The following ANO5 variants were observed in gnomAD, a reference collection of about 807,000 sequenced individuals.
ANO5 encodes anoctamin-5.
In ANO5, 109 loss-of-function variants were observed where a neutral mutation model predicts 121.0. The ratio of observed to expected loss-of-function variants is 0.90; its 90% confidence interval spans 0.77 to 1.06. The LOEUF is 1.06. Ranked by LOEUF, ANO5 falls within the 50% of genes least tolerant of loss-of-function variation. The probability of loss-of-function intolerance (pLI) is 0.00; values close to 1 mark genes in which losing one functional copy is unlikely to be tolerated. For synonymous variants in ANO5, 406 were observed against 359.9 expected, an observed-to-expected ratio of 1.13 and a Z score of -1.45; for missense variants, 1,064 against 1,078.5, an observed-to-expected ratio of 0.99 and a Z score of 0.19.
In ANO5 at chr11:22,227,307, G is replaced by A. The variant is rs199888040; in HGVS notation, c.369G>A (p.Ser123=). 1.7e-4 allele frequency: 274 copies of A among 1,612,918 alleles called. No homozygotes were observed. Among genetic ancestry groups the A allele is most frequent in the Non-Finnish European group, 2.0e-4 (237 of 1,179,554 alleles). Residue 123 remains serine, a synonymous_variant, in exon 7 of 22, where the codon TCG becomes TCA. Transcript: ENST00000324559. ...LELEIEDKRD[S]EDGRTYFVKI... ...TTGCCTTTTTTTTAATGCAGGACTC[G>A]GAAGATGGAAGAACTTATTTTGTCA...
intron 1 of ANO5, among the ~76,000 whole-genome samples, chr11:22,195,836 G>A (rs1851794315): frequency 6.6e-6 from 1 of 152,140 alleles, no homozygotes; most frequent in African/African-American, 2.4e-5. Flanking sequence ...AGATATTGAT[G>A]AGGAATACCG....
At chr11:22,195,017 T>C (rs566818123) in intron 1 of ANO5, among the ~76,000 whole-genome samples, 48 of 152,330 alleles carry the variant, frequency 3.2e-4, no homozygotes, top group African/African-American at 1.1e-3. Flanking sequence ...GCCAAACTGT[T>C]TTCCAGGCAT....
In ANO5 at chr11:22,250,316, G is replaced by C; in HGVS notation, c.958G>C (p.Val320Leu). 6.2e-7 allele frequency: 1 copy of C among 1,613,228 alleles called. No individual in the cohort carries two copies. The highest frequency in any genetic ancestry group is 8.5e-7 in the Non-Finnish European group (1 of 1,179,532). ...YTEMLFFAAVVGLACFIYGLL... is the reference protein window; with the variant it reads ...YTEMLFFAAVLGLACFIYGLL... ...AGAAATGCTATTCTTTGCAGCTGTA[G>C]TTGGCTTAGCTTGTTTTATTTATGG... Residue 320 changes from valine to leucine, a missense_variant, in exon 10 of 22, where the codon GTT (valine) becomes CTT (leucine). Val to Leu is a conservative substitution (Grantham distance 32). Coordinates refer to ENST00000324559, the MANE Select transcript of ANO5 (RefSeq NM_213599.3).
At chr11:22,212,626 C>T (rs1216674203) in intron 3 of ANO5, among the ~76,000 whole-genome samples, 1 of 151,852 alleles carries the variant, frequency 6.6e-6, no homozygotes, top group Non-Finnish European at 1.5e-5. Context: ...TAGATTCTTG[C>T]CTGTCTCATG....
At position 22,274,722 on chromosome 11, in the gene ANO5, G is replaced by T; in HGVS notation, c.2389G>T (p.Glu797Ter). ...TTTTCCAAACCACACTGCACCTTCG[G>T]AAAAACGAGACTTCATCACTTGCAG... ...ADFPNHTAPS[E>*]KRDFITCRYR... Residue 797 changes from glutamate to a stop codon, truncating the protein, a stop_gained, in exon 20 of 22, where the codon GAA becomes TAA. Transcript: ENST00000324559. LOFTEE classifies it high-confidence loss of function. The T allele has an allele frequency of 6.2e-7, 1 of 1,613,298 alleles. No homozygotes were observed. Among genetic ancestry groups the T allele is most frequent in the Non-Finnish European group, 8.5e-7 (1 of 1,179,518 alleles).
At chr11:22,263,423 G>C (rs1854262173) in intron 17 of ANO5, among the ~76,000 whole-genome samples, 1 of 152,040 alleles carries the variant, frequency 6.6e-6, no homozygotes, top group African/African-American at 2.4e-5. Flanking sequence ...TATTCTACAT[G>C]CTGTGTATTA....
chr11:22,236,169 T>C lies in ANO5; in HGVS notation c.655T>C (p.Tyr219His). The C allele has an allele frequency of 6.2e-7, 1 of 1,607,342 alleles. No individual in the cohort carries two copies. The highest frequency in any genetic ancestry group is 8.5e-7 in the Non-Finnish European group (1 of 1,174,174). The part of the protein sequence containing the change: ...PSSSRNRIVY[Y>H]ILSRCPFGIE... ...CTTTGCACTTACCTTGTAGGTGTAC[T>C]ATATTCTCTCAAGATGTCCTTTTGG... Residue 219 changes from tyrosine to histidine, a missense_variant, in exon 8 of 22, where the codon TAT (tyrosine) becomes CAT (histidine). Transcript: ENST00000324559.
At chr11:22,239,443 T>C (rs1326646469) in intron 8 of ANO5, 126 bp from the exon 9 acceptor site, 4 of 700,074 alleles carry the variant, frequency 5.7e-6, no homozygotes, top group African/African-American at 3.6e-5. Flanking sequence ...ATCAATTGAA[T>C]ATGAAATCTA....
At chr11:22,221,979 G>A (rs2133591876) in intron 5 of ANO5, among the ~76,000 whole-genome samples, 1 of 152,002 alleles carries the variant, frequency 6.6e-6, no homozygotes, top group South Asian at 2.1e-4. Flanking sequence ...CCTTCTACCA[G>A]GCCTCTGAAA....
intron 17 of ANO5, among the ~76,000 whole-genome samples, chr11:22,266,473 G>T (rs909114347): frequency 6.6e-6 from 1 of 152,032 alleles, no homozygotes; most frequent in Non-Finnish European, 1.5e-5. Flanking sequence ...CCAACTGGGG[G>T]TTATAAATGA....
At chr11:22,204,678 T>TA (rs1174345737) in intron 2 of ANO5, among the ~76,000 whole-genome samples, 6 of 152,158 alleles carry the variant, frequency 3.9e-5, no homozygotes, top group South Asian at 2.1e-4. Flanking sequence ...TGGCTATTGT[T>TA]AAAAAAATCA....
At chr11:22,271,003 G>A (rs1004181941) in intron 18 of ANO5, among the ~76,000 whole-genome samples, 3 of 152,138 alleles carry the variant, frequency 2.0e-5, no homozygotes, top group African/African-American at 7.2e-5. Flanking sequence ...CTGCTTATAT[G>A]GTCTGCTCAG....
At chr11:22,274,458 T>C in intron 19 of ANO5, 111 bp from the exon 20 acceptor site, 1 of 985,820 alleles carries the variant, frequency 1.0e-6, no homozygotes. Flanking sequence ...ATAATAGTAT[T>C]TAATCATTTT....
intron 15 of ANO5, among the ~76,000 whole-genome samples, 153 bp from the exon 16 acceptor site, chr11:22,261,976 A>G (rs1564943417): frequency 6.6e-6 from 1 of 152,168 alleles, no homozygotes; most frequent in Non-Finnish European, 1.5e-5. Context: ...GCACAAATCC[A>G]TAGTTACTTA....
Position 22,239,578 on chromosome 11 carries a change from T to C in ANO5, c.772T>C (p.Trp258Arg), listed in dbSNP as rs747860868. 2 of 1,611,386 alleles carry C rather than the reference T, an allele frequency of 1.2e-6. No individual in the cohort carries two copies. Among genetic ancestry groups the C allele is most frequent in the Admixed American group, 1.7e-5 (1 of 59,948 alleles). The change falls in exon 9 of 22, where the codon TGG becomes CGG. Residue 258 changes from tryptophan (W) to arginine (R), a missense_variant. Transcript: ENST00000324559. ...TCTTGAATATCTGCAGGGCCAATAT[T>C]GGAAGCCATCAGAACCTCCCAATCC... is the stretch of plus-strand genomic sequence containing the variant. ...SAYPLHDGQY[W>R]KPSEPPNPTN... is the part of the protein sequence containing the mutation.
In ANO5 at chr11:22,280,320, C is replaced by G. The variant is rs1232430697; in HGVS notation, c.*555C>G. The stretch of plus-strand genomic sequence containing the variant: ...AATGTATCATAGCAGAGGTTTATTC[C>G]TAACACATTCAACTACCATCAGAAT... On this transcript the variant is annotated 3_prime_UTR_variant, in exon 22 of 22. Transcript: ENST00000324559. 6.6e-6 allele frequency: 1 copy of G among 152,048 alleles called. No homozygotes were observed. Among genetic ancestry groups the G allele is most frequent in the Non-Finnish European group, 1.5e-5 (1 of 68,008 alleles). 9.4% of individuals were successfully genotyped at this position (152,048 alleles called of 1,614,324 possible). A position where few individuals can be genotyped will look rare whatever the true frequency, so the allele number is the denominator to read the frequency against.
intron 17 of ANO5, among the ~76,000 whole-genome samples, chr11:22,264,104 A>G (rs994937684): frequency 1.4e-5 from 2 of 147,896 alleles, no homozygotes; most frequent in Admixed American, 1.4e-4. Flanking sequence ...GCTCACTGCA[A>G]CCTCCACCTC....
Position 22,227,374 on chromosome 11 carries a change from G to A in ANO5, c.436G>A (p.Val146Ile), listed in dbSNP as rs1396031481. The A allele has an allele frequency of 1.1e-5, 17 of 1,613,408 alleles. No homozygotes were observed. The highest frequency in any genetic ancestry group is 1.4e-5 in the Non-Finnish European group (16 of 1,179,774). Reference sequence around the variant, plus strand: ...GGAGGTATTAGTTACCTATGCTGAAGTCTTGGGAATCAAAATGCCTATTAA... The same window carrying A: ...GGAGGTATTAGTTACCTATGCTGAAATCTTGGGAATCAAAATGCCTATTAA... Reference protein sequence around the residue: ...PWEVLVTYAEVLGIKMPIKES... With the variant: ...PWEVLVTYAEILGIKMPIKES... Residue 146 changes from valine to isoleucine, a missense_variant, in exon 7 of 22, where the codon GTC becomes ATC. Transcript: ENST00000324559.
At chr11:22,203,526 C>A (rs977757241) in intron 1 of ANO5, among the ~76,000 whole-genome samples, 4 of 152,044 alleles carry the variant, frequency 2.6e-5, no homozygotes, top group African/African-American at 9.7e-5. Flanking sequence ...AGGTTGATAA[C>A]CACATTGATC....
Sources: allele counts gnomAD v4.1 joint callset (sites outside exome capture counted in the v4.1 genomes callset), GRCh38; gene constraint gnomAD v4.1.1; transcripts MANE v1.5; gene names NCBI Gene and HGNC (gene_info 2026-07-23, HGNC 2026-07-21).